Variants in CCDC141 observed in about 807,000 individuals in gnomAD.
CCDC141 encodes the protein coiled-coil domain containing 141, also known as coiled-coil domain-containing protein 141.
In CCDC141, 168 loss-of-function variants were observed where a neutral mutation model predicts 181.0. The ratio of observed to expected loss-of-function variants is 0.93; its 90% CI spans 0.82 to 1.05. The LOEUF is 1.05. Ranked by LOEUF, CCDC141 falls within the 50% of genes least tolerant of loss-of-function variation. CCDC141 has a pLI of 0.00. For missense variants in CCDC141, 1,902 were observed against 1,788.5 expected (o/e 1.06, Z -1.14); for synonymous variants, 666 against 642.3 (o/e 1.04, Z -0.56).
chr2:178,865,942 G>A, intron 16 of CCDC141, 26 bp from the exon 17 acceptor site: 1 of 1,444,954 alleles, frequency 6.9e-7, no homozygotes, highest in Non-Finnish European at 9.2e-7. Context: ...GGTGGTAACA[G>A]AGAGAAAGGA....
intron 2 of CCDC141, among the ~76,000 whole-genome samples, chr2:179,008,946 T>C (rs6743556): frequency 0.75 from 113,599 of 152,144 alleles, 43,434 homozygotes; most frequent in Non-Finnish European, 0.84. Flanking sequence ...TAGTGGCATA[T>C]GAGGCCTTCT....
At chr2:178,937,790 G>A (rs938580881) in intron 6 of CCDC141, among the ~76,000 whole-genome samples, 1 of 151,988 alleles carries the variant, frequency 6.6e-6, no homozygotes, top group African/African-American at 2.4e-5. Context: ...ATTTCTTCAT[G>A]ATTCAGTCTT....
intron 4 of CCDC141, among the ~76,000 whole-genome samples, chr2:178,964,317 T>A (rs935356921): frequency 6.6e-6 from 1 of 152,024 alleles, no homozygotes; most frequent in African/African-American, 2.4e-5. Context: ...GGCAACAGGG[T>A]CTCCACAGGG....
At chr2:178,989,688 C>T (rs1301721449) in intron 2 of CCDC141, among the ~76,000 whole-genome samples, 1 of 150,300 alleles carries the variant, frequency 6.7e-6, no homozygotes, top group Non-Finnish European at 1.5e-5. Context: ...GGGCAACGGA[C>T]TTGAAAAGAC....
intron 4 of CCDC141, among the ~76,000 whole-genome samples, chr2:178,969,307 A>T (rs574362833): frequency 2.6e-5 from 4 of 151,870 alleles, no homozygotes; most frequent in Admixed American, 6.6e-5. Context: ...AAAAAAGAAA[A>T]TTTTTTTCTT....
chr2:178,840,880 T>C (rs1684689846), intron 22 of CCDC141, among the ~76,000 whole-genome samples: 1 of 152,164 alleles, frequency 6.6e-6, no homozygotes, highest in African/African-American at 2.4e-5. Context: ...CCCAATAATT[T>C]CTACTATCAA....
At chr2:178,927,904 C>G (rs1401358758) in intron 6 of CCDC141, among the ~76,000 whole-genome samples, 3 of 151,946 alleles carry the variant, frequency 2.0e-5, no homozygotes, top group African/African-American at 7.3e-5. Context: ...TGTGACTAGG[C>G]GACTTTGAGG....
At chr2:179,006,261 A>T (rs2042120966) in intron 2 of CCDC141, among the ~76,000 whole-genome samples, 1 of 152,198 alleles carries the variant, frequency 6.6e-6, no homozygotes, top group Non-Finnish European at 1.5e-5. Context: ...TTATCTTAAC[A>T]TACACGGGGG....
intron 5 of CCDC141, among the ~76,000 whole-genome samples, chr2:178,952,785 G>A (rs779548460): frequency 2.4e-4 from 37 of 152,282 alleles, no homozygotes; most frequent in African/African-American, 8.4e-4. Flanking sequence ...CTGACCCAAC[G>A]GTTTGATACC....
intron 8 of CCDC141, among the ~76,000 whole-genome samples, chr2:178,891,863 T>C (rs1418113370): frequency 6.6e-6 from 1 of 152,120 alleles, no homozygotes; most frequent in Non-Finnish European, 1.5e-5. Context: ...TATGTGTATC[T>C]ATTGTGTTGT....
chr2:178,821,450 C>T, the CCDC141 span, among the ~76,000 whole-genome samples: 1 of 152,194 alleles, frequency 6.6e-6, no homozygotes, highest in African/African-American at 2.4e-5. Context: ...ATATCACCTG[C>T]CTGTTCCAAT....
downstream of CCDC141, among the ~76,000 whole-genome samples, chr2:178,826,308 A>G (rs1159815072): frequency 6.6e-6 from 1 of 152,148 alleles, no homozygotes; most frequent in East Asian, 1.9e-4. Flanking sequence ...CTTTTTATCC[A>G]TTGTTAGATT....
Position 179,041,397 on chromosome 2 carries a change from A to G in CCDC141, c.225+5887T>C, listed in dbSNP as rs2043297770. ...ATTTCTCTAATGATCAGTGATTTTG[A>G]GCTTTTTTTAATGTTTGTTGGCTGC... On this transcript the variant is annotated intron_variant, in intron 2 of 23. Coordinates refer to ENST00000443758, the MANE Select transcript of CCDC141 (RefSeq NM_173648.4). Among the ~76,000 whole-genome samples, 3 of 135,206 alleles carry G rather than the reference A, an allele frequency of 2.2e-5. No homozygotes were observed. The Admixed American group carries it at 2.2e-4, about 10-fold the overall frequency. The allele number at this position is 135,206 out of a possible 152,430, so 88.7% of individuals were successfully genotyped here. A position where few individuals can be genotyped will look rare whatever the true frequency, so the allele number is the denominator to read the frequency against.
chr2:178,991,959 T>G (rs1162375849), intron 2 of CCDC141, among the ~76,000 whole-genome samples: 4 of 152,008 alleles, frequency 2.6e-5, no homozygotes, highest in Non-Finnish European at 5.9e-5. Flanking sequence ...TTACCAAAAT[T>G]GTCCCAAGAA....
At chr2:178,899,384 T>G (rs6760910) in intron 8 of CCDC141, among the ~76,000 whole-genome samples, 42,515 of 152,088 alleles carry the variant, frequency 0.28, 7,759 homozygotes, top group Non-Finnish European at 0.41. Flanking sequence ...TACTTGTTTA[T>G]TGAGCCCTTT....
intron 2 of CCDC141, among the ~76,000 whole-genome samples, chr2:178,979,807 GA>G (rs1691286119): frequency 6.6e-6 from 1 of 152,128 alleles, no homozygotes; most frequent in African/African-American, 2.4e-5. Flanking sequence ...ATTTCAAGTA[GA>G]TATAACCAGT....
intron 2 of CCDC141, among the ~76,000 whole-genome samples, chr2:179,033,758 A>G (rs1479367773): frequency 6.6e-6 from 1 of 152,168 alleles, no homozygotes; most frequent in Non-Finnish European, 1.5e-5. Flanking sequence ...TTAAAGGACT[A>G]CCTTCTAAAT....
intron 4 of CCDC141, among the ~76,000 whole-genome samples, chr2:178,971,951 C>T (rs1176109521): frequency 2.0e-5 from 3 of 152,006 alleles, no homozygotes; most frequent in African/African-American, 7.2e-5. Flanking sequence ...GGAAGGATAA[C>T]ATTAGGAGAA....
Position 178,856,370 on chromosome 2 carries a change from T to C in CCDC141, c.2752A>G (p.Lys918Glu). 6.3e-7 allele frequency: 1 copy of C among 1,599,686 alleles called. No homozygotes were observed. The highest frequency in any genetic ancestry group is 8.5e-7 in the Non-Finnish European group (1 of 1,170,088). The stretch of plus-strand genomic sequence containing the variant: ...TTAAACTTCAAATTATTGAATTTCT[T>C]TTTGATATCTTTGAATGAGTCTTTG... ...ELKDSFKDIKKKFNNLKFNYT... is the reference protein window; with the variant it reads ...ELKDSFKDIKEKFNNLKFNYT... The change falls in exon 18 of 24, where the codon AAG becomes GAG. Residue 918 changes from lysine (K) to glutamate (E), a missense_variant. By Grantham distance (56) the Lys-to-Glu change is moderately conservative (BLOSUM62 1). Coordinates refer to ENST00000443758, the MANE Select transcript of CCDC141 (RefSeq NM_173648.4).
Sources: allele counts gnomAD v4.1 joint callset (sites outside exome capture counted in the v4.1 genomes callset), GRCh38; gene constraint gnomAD v4.1.1; transcripts MANE v1.5; gene names NCBI Gene and HGNC (gene_info 2026-07-23, HGNC 2026-07-21).